The following GRM7 variants were observed in gnomAD, a reference collection of about 807,000 sequenced individuals.
GRM7 encodes glutamate metabotropic receptor 7, also known as metabotropic glutamate receptor 7.
GRM7 carries 35 observed loss-of-function variants against 84.5 expected under a neutral mutation model. That is an observed-to-expected ratio of 0.41 (90% CI 0.32 to 0.55). GRM7 has a LOEUF of 0.55. Among genes scored for constraint, GRM7 ranks in the 20% least tolerant of loss-of-function variants. GRM7 has a pLI of 0.19. For missense variants in GRM7, 1,003 were observed against 1,194.6 expected (o/e 0.84, Z 2.36); for synonymous variants, 487 against 455.1 (o/e 1.07, Z -0.89).
chr3:7,438,913 C>G lies in GRM7; in HGVS notation c.1175-13694C>G, dbSNP rs559115805. ...GAAGGGGCAAGAGTTTAATTGTAGA[C>G]ATGTTGAATCCAATATACCCATAAG... is the stretch of plus-strand genomic sequence containing the variant. On this transcript the variant is annotated intron_variant, in intron 5 of 9. Coordinates refer to ENST00000357716, the MANE Select transcript of GRM7 (RefSeq NM_000844.4). Among the ~76,000 whole-genome samples the G allele has an allele frequency of 3.3e-5, 5 of 152,250 alleles. No homozygotes were observed. The South Asian group carries it at 1.0e-3, about 32-fold the overall frequency.
intron 3 of GRM7, among the ~76,000 whole-genome samples, chr3:7,300,516 G>T (rs1252639749): frequency 6.6e-6 from 1 of 152,164 alleles, no homozygotes; most frequent in Non-Finnish European, 1.5e-5. Context: ...CCAATCAAAT[G>T]AACATCCTTC....
intron 1 of GRM7, among the ~76,000 whole-genome samples, chr3:6,904,054 G>A (rs1213197271): frequency 2.6e-5 from 4 of 151,840 alleles, no homozygotes; most frequent in South Asian, 4.2e-4. Flanking sequence ...TATCGTCTAC[G>A]TGTCACTTCT....
At chr3:7,080,647 T>C (rs980302617) in intron 1 of GRM7, among the ~76,000 whole-genome samples, 6 of 151,652 alleles carry the variant, frequency 4.0e-5, no homozygotes, top group African/African-American at 1.5e-4. Context: ...TATATATGTG[T>C]GTATGCATAT....
intron 1 of GRM7, among the ~76,000 whole-genome samples, chr3:6,969,416 A>C (rs988471099): frequency 9.9e-5 from 15 of 152,214 alleles, no homozygotes; most frequent in Non-Finnish European, 1.3e-4. Flanking sequence ...AAGTTAATTA[A>C]ACTTTCTGAG....
intron 4 of GRM7, among the ~76,000 whole-genome samples, chr3:7,317,803 A>G (rs976082474): frequency 1.3e-5 from 2 of 152,052 alleles, no homozygotes; most frequent in African/African-American, 2.4e-5. Flanking sequence ...AAAGAACTTG[A>G]AAGACTGCTG....
At chr3:7,484,451 G>A (rs1423184897) in intron 7 of GRM7, among the ~76,000 whole-genome samples, 1 of 152,188 alleles carries the variant, frequency 6.6e-6, no homozygotes, top group Admixed American at 6.5e-5. Context: ...AGTAGAATAT[G>A]TGTCAATACC....
chr3:7,386,939 T>C (rs952412058), intron 4 of GRM7, among the ~76,000 whole-genome samples: 3 of 152,226 alleles, frequency 2.0e-5, no homozygotes, highest in African/African-American at 7.2e-5. Flanking sequence ...TGTTATGTTT[T>C]GATTTTTCAA....
chr3:7,600,882 G>A (rs1039423096), intron 8 of GRM7, among the ~76,000 whole-genome samples: 5 of 152,114 alleles, frequency 3.3e-5, no homozygotes, highest in African/African-American at 1.2e-4. Context: ...TTATTTTAGG[G>A]TTGGGAGGTG....
intron 5 of GRM7, among the ~76,000 whole-genome samples, chr3:7,438,260 A>C (rs712781): frequency 6.6e-6 from 1 of 151,752 alleles, no homozygotes; most frequent in Non-Finnish European, 1.5e-5. Flanking sequence ...ATAGGATAAT[A>C]ACTTGGAGAA....
chr3:7,382,947 C>T (rs189674358), intron 4 of GRM7, among the ~76,000 whole-genome samples: 58 of 152,296 alleles, frequency 3.8e-4, no homozygotes, highest in African/African-American at 1.4e-3. Context: ...CCTTGCTATC[C>T]ACAGACTGTG....
chr3:6,933,633 G>A (rs1697584258), intron 1 of GRM7, among the ~76,000 whole-genome samples: 1 of 151,724 alleles, frequency 6.6e-6, no homozygotes, highest in Non-Finnish European at 1.5e-5. Context: ...GATCAAATCA[G>A]AACTTTTAAG....
At chr3:7,496,436 A>T (rs1038333012) in intron 7 of GRM7, among the ~76,000 whole-genome samples, 2 of 152,154 alleles carry the variant, frequency 1.3e-5, no homozygotes, top group Non-Finnish European at 2.9e-5. Context: ...GAGCCTATAT[A>T]TTTTTTAAAA....
At chr3:7,139,841 T>A (rs1436880448) in intron 1 of GRM7, among the ~76,000 whole-genome samples, 1 of 151,862 alleles carries the variant, frequency 6.6e-6, no homozygotes, top group East Asian at 1.9e-4. Context: ...AACTAAAAAG[T>A]TTCTGTATAG....
At chr3:7,065,499 T>C (rs758319852) in intron 1 of GRM7, among the ~76,000 whole-genome samples, 1 of 151,932 alleles carries the variant, frequency 6.6e-6, no homozygotes, top group Non-Finnish European at 1.5e-5. Context: ...CAATTGGCTG[T>C]AAATATTTGG....
chr3:7,466,153 C>G (rs1314561671), intron 7 of GRM7, among the ~76,000 whole-genome samples: 1 of 152,124 alleles, frequency 6.6e-6, no homozygotes, highest in Non-Finnish European at 1.5e-5. Context: ...GACAATGCAA[C>G]AAACATGATT....
At chr3:7,607,226 C>T (rs920259214) in intron 8 of GRM7, 16 of 151,956 alleles carry the variant, frequency 1.1e-4, no homozygotes, top group African/African-American at 3.9e-4. Context: ...ATATGCAATG[C>T]TTTTATCTTT....
chr3:7,711,389 C>T (rs1415484308), intron 9 of GRM7, among the ~76,000 whole-genome samples: 2 of 152,092 alleles, frequency 1.3e-5, no homozygotes, highest in African/African-American at 4.8e-5. Flanking sequence ...AGTGGGCACC[C>T]AAATGGCAAG....
At chr3:7,668,429 G>A (rs1699787616) in intron 8 of GRM7, among the ~76,000 whole-genome samples, 1 of 152,176 alleles carries the variant, frequency 6.6e-6, no homozygotes, top group African/African-American at 2.4e-5. Flanking sequence ...CCTGGAGGAG[G>A]AGATACACTA....
intron 1 of GRM7, among the ~76,000 whole-genome samples, chr3:7,019,877 T>C (rs758181066): frequency 6.6e-6 from 1 of 152,208 alleles, no homozygotes; most frequent in Admixed American, 6.5e-5. Context: ...CAACTATTTT[T>C]AGAGCACCTA....
Sources: gnomAD v4.1 joint callset for allele counts (sites outside exome capture counted in the v4.1 genomes callset) on GRCh38, gnomAD v4.1.1 for gene constraint, MANE v1.5 for transcripts, NCBI Gene and HGNC (gene_info 2026-07-23, HGNC 2026-07-21) for gene names.